The following SYT1 variants were observed in gnomAD, a reference collection of about 807,000 sequenced individuals.
SYT1 encodes the protein synaptotagmin-1.
A neutral mutation model predicts 44.8 loss-of-function variants in SYT1; 8 were observed. The observed-to-expected ratio is 0.18, with a 90% CI of 0.10 to 0.32. The LOEUF (loss-of-function observed/expected upper bound fraction) is 0.32. SYT1 is among the 10% of genes least tolerant of loss of function. The pLI is 1.00. For synonymous variants in SYT1, 154 were observed against 188.8 expected, an observed-to-expected ratio of 0.82 and a Z score of 1.51; for missense variants, 286 against 509.3, an observed-to-expected ratio of 0.56 and a Z score of 4.22.
chr12:79,043,241 T>C (rs1289099320), intron 2 of SYT1, among the ~76,000 whole-genome samples: 7 of 149,516 alleles, frequency 4.7e-5, no homozygotes, highest in Non-Finnish European at 7.4e-5. Flanking sequence ...AAGTCTCCCA[T>C]TATTAATGTG....
chr12:79,183,663 G>A (rs140352367), intron 3 of SYT1, among the ~76,000 whole-genome samples: 10 of 152,084 alleles, frequency 6.6e-5, no homozygotes, highest in Admixed American at 3.9e-4. Flanking sequence ...CCCTCTTACC[G>A]TATAGATGGT....
intron 1 of SYT1, among the ~76,000 whole-genome samples, chr12:78,876,337 C>T (rs536049342): frequency 1.5e-4 from 22 of 151,276 alleles, no homozygotes; most frequent in Admixed American, 2.7e-4. Context: ...TGCATTACCA[C>T]GCAATCTGCT....
chr12:79,402,455 C>T (rs2136116809), intron 9 of SYT1, among the ~76,000 whole-genome samples: 1 of 152,264 alleles, frequency 6.6e-6, no homozygotes, highest in East Asian at 1.9e-4. Flanking sequence ...AATTTCTGTT[C>T]TTCAAGCTAA....
At chr12:79,208,148 T>C (rs1407128272) in intron 3 of SYT1, among the ~76,000 whole-genome samples, 1 of 152,178 alleles carries the variant, frequency 6.6e-6, no homozygotes, top group Non-Finnish European at 1.5e-5. Flanking sequence ...CCCACCTGCT[T>C]CCTGGAAATC....
chr12:79,422,362 G>A (rs1247720503), intron 9 of SYT1, among the ~76,000 whole-genome samples: 1 of 151,542 alleles, frequency 6.6e-6, no homozygotes, highest in East Asian at 1.9e-4. Flanking sequence ...GATTGGTTTT[G>A]TTTATTTTCA....
intron 9 of SYT1, among the ~76,000 whole-genome samples, chr12:79,419,064 A>C (rs11114113): frequency 0.12 from 18,590 of 152,124 alleles, 1,165 homozygotes; most frequent in African/African-American, 0.13. Context: ...TGAACATCTA[A>C]CTTCAGCTTA....
At chr12:79,227,883 C>T (rs1266790922) in intron 4 of SYT1, among the ~76,000 whole-genome samples, 8 of 152,116 alleles carry the variant, frequency 5.3e-5, no homozygotes, top group Non-Finnish European at 8.8e-5. Context: ...TTTAGAAAAA[C>T]CCTCTATTCA....
chr12:79,058,342 A>C (rs544447123), intron 3 of SYT1, among the ~76,000 whole-genome samples: 1 of 152,134 alleles, frequency 6.6e-6, no homozygotes, highest in East Asian at 1.9e-4. Context: ...ACAAGGAAAA[A>C]CATGTTTCTC....
chr12:79,067,974 C>T (rs1311799949), intron 3 of SYT1, among the ~76,000 whole-genome samples: 1 of 152,024 alleles, frequency 6.6e-6, no homozygotes, highest in African/African-American at 2.4e-5. Context: ...TTTTTATTTC[C>T]ACGAAGACAC....
chr12:78,910,721 G>A (rs1238965255), intron 1 of SYT1, among the ~76,000 whole-genome samples: 2 of 151,948 alleles, frequency 1.3e-5, no homozygotes, highest in Non-Finnish European at 2.9e-5. Context: ...AAATTCTACA[G>A]AAGAGGGTAA....
chr12:79,165,589 G>C (rs2138326724), intron 3 of SYT1, among the ~76,000 whole-genome samples: 1 of 152,048 alleles, frequency 6.6e-6, no homozygotes, highest in South Asian at 2.1e-4. Flanking sequence ...ATGGAAGATG[G>C]CAATTTAGAA....
At chr12:79,189,387 T>G (rs1447685496) in intron 3 of SYT1, among the ~76,000 whole-genome samples, 1 of 152,176 alleles carries the variant, frequency 6.6e-6, no homozygotes, top group Non-Finnish European at 1.5e-5. Flanking sequence ...TTCAATAACT[T>G]TTAGCTATTG....
chr12:79,020,306 A>C (rs867570306), intron 2 of SYT1, among the ~76,000 whole-genome samples: 11 of 151,942 alleles, frequency 7.2e-5, no homozygotes, highest in Admixed American at 2.6e-4. Flanking sequence ...TGTGGTTAAC[A>C]TTATGTTGCT....
chr12:78,864,035 C>T (rs140467260), upstream of SYT1: 3,892 of 152,332 alleles, frequency 0.026, 67 homozygotes, highest in Non-Finnish European at 0.039. Flanking sequence ...CCCCAGGCTT[C>T]CAGCAAAGCT....
Position 79,377,107 on chromosome 12 carries a change from T to TTG in SYT1, c.928+23489_928+23490insGT, listed in dbSNP as rs757779099. 1.1e-4 allele frequency among the ~76,000 whole-genome samples: 6 copies of TTG among 56,452 alleles called. No homozygotes were observed. The African/African-American group carries it at 1.8e-3, about 17-fold the overall frequency. The allele number at this position is 56,452 out of a possible 152,430, so 37.0% of individuals were successfully genotyped here. On this transcript the variant is annotated intron_variant, in intron 9 of 10. Transcript: ENST00000261205. Reference sequence around the variant, plus strand: ...AGATGTTTATGTAACATTTTTTGTTTTTTTGTTTTGTTTTGTTTTTTTGAG... The same window carrying TTG: ...AGATGTTTATGTAACATTTTTTGTTTTGTTTTGTTTTGTTTTGTTTTTTTGAG...
intron 3 of SYT1, among the ~76,000 whole-genome samples, chr12:79,190,986 A>G (rs2138448934): frequency 6.6e-6 from 1 of 152,152 alleles, no homozygotes; most frequent in African/African-American, 2.4e-5. Flanking sequence ...CCTCTCACTT[A>G]CCAATGAGAT....
At chr12:78,959,068 A>C (rs1188222997) in intron 1 of SYT1, among the ~76,000 whole-genome samples, 1 of 152,140 alleles carries the variant, frequency 6.6e-6, no homozygotes, top group Non-Finnish European at 1.5e-5. Flanking sequence ...AGGGAAGCCC[A>C]TTTGCATTCA....
chr12:78,867,477 T>C lies in SYT1; in HGVS notation c.-217+2368T>C, dbSNP rs181797270. Among the ~76,000 whole-genome samples the C allele has an allele frequency of 1.5e-4, 23 of 152,172 alleles. No individual in the cohort carries two copies. The East Asian group carries it at 3.3e-3, about 22-fold the overall frequency. On this transcript the variant is annotated intron_variant, in intron 1 of 10. Coordinates refer to ENST00000261205, the MANE Select transcript of SYT1 (RefSeq NM_005639.3). ...TTGGGGAGAGACCTTACATGATATATTATAGGAAATTCTTACTTTGTTATC... is the reference window on the plus strand; with the variant it reads ...TTGGGGAGAGACCTTACATGATATACTATAGGAAATTCTTACTTTGTTATC...
intron 3 of SYT1, among the ~76,000 whole-genome samples, chr12:79,071,615 T>C (rs1376188789): frequency 6.6e-6 from 1 of 152,174 alleles, no homozygotes; most frequent in Non-Finnish European, 1.5e-5. Flanking sequence ...AAACTCAAGA[T>C]GTCAGTCAGG....
Sources: allele counts gnomAD v4.1 joint callset (sites outside exome capture counted in the v4.1 genomes callset), GRCh38; gene constraint gnomAD v4.1.1; transcripts MANE v1.5; gene names NCBI Gene and HGNC (gene_info 2026-07-23, HGNC 2026-07-21).